SERTM1: variants seen among roughly 807,000 people sequenced by gnomAD.
SERTM1 encodes serine-rich and transmembrane domain-containing protein 1.
In SERTM1, 1 loss-of-function variant was observed where a neutral mutation model predicts 5.5. The ratio of observed to expected loss-of-function variants is 0.18; its 90% CI spans 0.06 to 0.86. SERTM1 has a LOEUF of 0.86. SERTM1 is among the 40% of genes least tolerant of loss of function. The pLI, the probability that SERTM1 is intolerant of heterozygous loss-of-function variation, is 0.69. For synonymous variants in SERTM1, 52 were observed against 55.1 expected (o/e 0.94, Z 0.25); for missense variants, 91 against 122.4 (o/e 0.74, Z 1.21).
In SERTM1 at chr13:36,683,083, T is replaced by C. The variant is rs183519340; in HGVS notation, c.-174+8899T>C. Among the ~76,000 whole-genome samples, 153 of 152,238 alleles carry C rather than the reference T, an allele frequency of 1.0e-3. 1 individual carries two copies. Among genetic ancestry groups the C allele is most frequent in the African/African-American group, 3.4e-3 (142 of 41,544 alleles). On this transcript the variant is annotated intron_variant, in intron 1 of 1. Transcript: ENST00000315190. ...GACCCTTGTACGATGAGTTTTTTTT[T>C]CCACTAGGAGTCATGAGTTAGTCTT... is the stretch of plus-strand genomic sequence containing the variant.
intron 1 of SERTM1, among the ~76,000 whole-genome samples, chr13:36,679,961 T>G (rs1252372920): frequency 6.6e-6 from 1 of 152,210 alleles, no homozygotes; most frequent in Non-Finnish European, 1.5e-5. Flanking sequence ...ACATATTGTA[T>G]AAAATTACCT....
At position 36,697,568 on chromosome 13, in the gene SERTM1, A is replaced by G. The variant is rs1057087736; in HGVS notation, c.*2166A>G. On this transcript the variant is annotated 3_prime_UTR_variant, in exon 2 of 2. Transcript: ENST00000315190. ...TCTTTATATCCTTTCCATGTGAAAG[A>G]GATATAAAGAATTCTGACAGCAAAA... is the stretch of plus-strand genomic sequence containing the variant. 24 of 166,864 alleles carry G rather than the reference A, an allele frequency of 1.4e-4. No individual in the cohort carries two copies. The highest frequency in any genetic ancestry group is 5.8e-4 in the African/African-American group (24 of 41,382). 10.3% of individuals were successfully genotyped at this position (166,864 alleles called of 1,614,324 possible). A position where few individuals can be genotyped will look rare whatever the true frequency, so the allele number is the denominator to read the frequency against.
At chr13:36,691,519 G>A (rs192627095) in intron 1 of SERTM1, among the ~76,000 whole-genome samples, 2 of 152,134 alleles carry the variant, frequency 1.3e-5, no homozygotes, top group African/African-American at 4.8e-5. Flanking sequence ...AGGGAAAGCT[G>A]GTTGACCATG....
At chr13:36,684,688 G>A (rs1024330243) in intron 1 of SERTM1, among the ~76,000 whole-genome samples, 2 of 151,586 alleles carry the variant, frequency 1.3e-5, no homozygotes, top group South Asian at 2.1e-4. Context: ...CCATTGAAAC[G>A]AAAGAGAACT....
chr13:36,687,505 CT>C (rs372184145), intron 1 of SERTM1, among the ~76,000 whole-genome samples: 10 of 148,992 alleles, frequency 6.7e-5, no homozygotes, highest in Middle Eastern at 3.4e-3. Flanking sequence ...GGAATCTTTA[CT>C]TTTTTTTTTC....
At position 36,695,032 on chromosome 13, in the gene SERTM1, A is replaced by T; in HGVS notation, c.-47A>T. 7.3e-7 allele frequency: 1 copy of T among 1,376,026 alleles called. No individual in the cohort carries two copies. The highest frequency in any genetic ancestry group is 1.9e-5 in the Admixed American group (1 of 53,922). The allele number at this position is 1,376,026 out of a possible 1,614,324, so 85.2% of individuals were successfully genotyped here. A position where few individuals can be genotyped will look rare whatever the true frequency, so the allele number is the denominator to read the frequency against. On this transcript the variant is annotated 5_prime_UTR_variant, in exon 2 of 2. Coordinates refer to ENST00000315190, the MANE Select transcript of SERTM1 (RefSeq NM_203451.3). ...ATCTGTCCTGTGTAAGCCCTGTGTG[A>T]AGTTTTGACTTTAATCTACCAGATC...
At chr13:36,690,131 C>T (rs1403899912) in intron 1 of SERTM1, among the ~76,000 whole-genome samples, 1 of 152,170 alleles carries the variant, frequency 6.6e-6, no homozygotes, top group Non-Finnish European at 1.5e-5. Context: ...TCTCACATCA[C>T]CCAATGGACG....
At chr13:36,675,372 TTTCTCCTAGGTGCC>T (rs1445289717) in intron 1 of SERTM1, among the ~76,000 whole-genome samples, 1 of 152,148 alleles carries the variant, frequency 6.6e-6, no homozygotes, top group Non-Finnish European at 1.5e-5. Flanking sequence ...CCCTAAGACG[TTTCTCCTAGGTGCC>T]TTCTCCTAGG....
At chr13:36,686,823 G>A (rs572972744) in intron 1 of SERTM1, among the ~76,000 whole-genome samples, 21 of 152,024 alleles carry the variant, frequency 1.4e-4, no homozygotes, top group Non-Finnish European at 2.6e-4. Flanking sequence ...ATCTTACATT[G>A]AGGATCCTTA....
chr13:36,683,137 C>CA (rs1391984964), intron 1 of SERTM1, among the ~76,000 whole-genome samples: 3 of 152,130 alleles, frequency 2.0e-5, no homozygotes, highest in African/African-American at 7.2e-5. Flanking sequence ...CACCTGTTCC[C>CA]ATTTGAAACC....
rs1027343672 is a variant in SERTM1, at chr13:36,696,135, T to A, written c.*733T>A. The A allele has an allele frequency of 6.0e-6, 1 of 166,880 alleles. No homozygotes were observed. The highest frequency in any genetic ancestry group is 2.4e-5 in the African/African-American group (1 of 41,454). The allele number at this position is 166,880 out of a possible 1,614,324, so 10.3% of individuals were successfully genotyped here. A position where few individuals can be genotyped will look rare whatever the true frequency, so the allele number is the denominator to read the frequency against. On this transcript the variant is annotated 3_prime_UTR_variant, in exon 2 of 2. Coordinates refer to ENST00000315190, the MANE Select transcript of SERTM1 (RefSeq NM_203451.3). ...TCATAATGCCACAAAGTTGTGGAAT[T>A]TTTGTGATTAATTGCTGTTACTAGT...
At chr13:36,676,035 C>T (rs758158625) in intron 1 of SERTM1, among the ~76,000 whole-genome samples, 4 of 152,032 alleles carry the variant, frequency 2.6e-5, no homozygotes, top group Non-Finnish European at 5.9e-5. Flanking sequence ...TCGTTCAGTT[C>T]AACAGATTTT....
chr13:36,691,603 A>C (rs1045688470), intron 1 of SERTM1, among the ~76,000 whole-genome samples: 1 of 152,110 alleles, frequency 6.6e-6, no homozygotes, highest in Non-Finnish European at 1.5e-5. Flanking sequence ...CTCAAAAATC[A>C]CCTTCTGAGG....
intron 1 of SERTM1, among the ~76,000 whole-genome samples, chr13:36,680,987 T>C (rs541981312): frequency 6.6e-6 from 1 of 152,310 alleles, no homozygotes; most frequent in African/African-American, 2.4e-5. Context: ...AAAGAGAATA[T>C]TTGCTTCTCT....
chr13:36,687,645 C>G (rs978453185), intron 1 of SERTM1, among the ~76,000 whole-genome samples: 9 of 152,074 alleles, frequency 5.9e-5, no homozygotes, highest in Non-Finnish European at 1.2e-4. Flanking sequence ...GTGCATCAAG[C>G]TTCAACTATC....
intron 1 of SERTM1, among the ~76,000 whole-genome samples, chr13:36,675,256 T>A (rs946703712): frequency 3.9e-5 from 6 of 152,224 alleles, no homozygotes; most frequent in Admixed American, 1.3e-4. Context: ...CTCCGATGTC[T>A]AGAGGACGTC....
rs1566234377 is a variant in SERTM1, at chr13:36,697,280, C to CAT, written c.*1886_*1887dup. The CAT allele has an allele frequency of 2.9e-5, 4 of 137,314 alleles. No individual in the cohort carries two copies. Among genetic ancestry groups the CAT allele is most frequent in the South Asian group, 2.9e-4 (1 of 3,406 alleles). The allele number at this position is 137,314 out of a possible 1,614,324, so 8.5% of individuals were successfully genotyped here. ...CATTCTCTGAATATATGTATATATA[C>CAT]ATATATATACGCACACACACACACA... On this transcript the variant is annotated 3_prime_UTR_variant, in exon 2 of 2. Transcript: ENST00000315190.
intron 1 of SERTM1, among the ~76,000 whole-genome samples, chr13:36,694,029 C>A (rs776379007): frequency 4.6e-5 from 7 of 152,208 alleles, no homozygotes; most frequent in Non-Finnish European, 8.8e-5. Flanking sequence ...TTATCTCCCA[C>A]CACACACTAA....
chr13:36,691,233 G>A (rs1255657773), intron 1 of SERTM1, among the ~76,000 whole-genome samples: 1 of 152,144 alleles, frequency 6.6e-6, no homozygotes, highest in African/African-American at 2.4e-5. Flanking sequence ...GGAGAATGAA[G>A]GTACGTGCTA....
Sources: allele counts gnomAD v4.1 joint callset (sites outside exome capture counted in the v4.1 genomes callset), GRCh38; gene constraint gnomAD v4.1.1; transcripts MANE v1.5; gene names NCBI Gene and HGNC (gene_info 2026-07-23, HGNC 2026-07-21).